Variants in TASOR2 observed in about 807,000 individuals in gnomAD.
TASOR2 encodes transcription activation suppressor family member 2, also known as protein TASOR 2.
Under a neutral mutation model 199.5 loss-of-function variants are expected in TASOR2, and 84 were observed. That is an observed-to-expected ratio of 0.42 (90% CI 0.35 to 0.50). TASOR2 has a LOEUF of 0.50. TASOR2 is among the 20% of genes least tolerant of loss of function. TASOR2 has a pLI of 0.02. For missense variants in TASOR2, 2,796 were observed against 2,835.9 expected (o/e 0.99, Z 0.32); for synonymous variants, 1,103 against 1,046.6 (o/e 1.05, Z -1.04).
chr10:5,715,624 G>T (rs1277622859), intron 2 of TASOR2, among the ~76,000 whole-genome samples: 1 of 138,800 alleles, frequency 7.2e-6, no homozygotes, highest in East Asian at 2.1e-4. Flanking sequence ...TCCAAGAATT[G>T]CATTGGTAGG....
chr10:5,729,795 A>G (rs1276788005), intron 10 of TASOR2, among the ~76,000 whole-genome samples: 1 of 152,006 alleles, frequency 6.6e-6, no homozygotes, highest in Non-Finnish European at 1.5e-5. Flanking sequence ...TTTATTACCC[A>G]GTTCATAGGG....
At chr10:5,732,676 G>A (rs1239088404) in intron 11 of TASOR2, among the ~76,000 whole-genome samples, 2 of 152,160 alleles carry the variant, frequency 1.3e-5, no homozygotes, top group Admixed American at 6.5e-5. Flanking sequence ...TCCTGCCTCA[G>A]CCTCTGGAGT....
At chr10:5,733,293 A>G (rs908802592) in intron 11 of TASOR2, among the ~76,000 whole-genome samples, 2 of 152,160 alleles carry the variant, frequency 1.3e-5, no homozygotes, top group African/African-American at 4.8e-5. Flanking sequence ...GGATCACTTG[A>G]GGCCAGGAGT....
chr10:5,747,418 G>A (rs1417871235), exon 15 of TASOR2: 5 of 1,614,080 alleles, frequency 3.1e-6, no homozygotes, highest in East Asian at 4.5e-5. Flanking sequence ...GGCTCTCACA[G>A]AAAGCAGAGA....
intron 17 of TASOR2, among the ~76,000 whole-genome samples, chr10:5,758,664 TAC>T (rs949229412): frequency 8.5e-5 from 13 of 152,272 alleles, no homozygotes; most frequent in Admixed American, 6.5e-4. Flanking sequence ...TGTTCGTGTC[TAC>T]AGAGTTATCT....
At chr10:5,733,697 G>T (rs1835162654) in intron 11 of TASOR2, among the ~76,000 whole-genome samples, 1 of 152,058 alleles carries the variant, frequency 6.6e-6, no homozygotes. Flanking sequence ...TTTTCTGTTT[G>T]TACAAATATT....
chr10:5,763,256 AATT>A, exon 21 of TASOR2: 1 of 429,726 alleles, frequency 2.3e-6, no homozygotes. Flanking sequence ...TATTGTTTTA[AATT>A]ATTTTCATTT....
At chr10:5,743,275 C>A (rs570455678) in intron 14 of TASOR2, among the ~76,000 whole-genome samples, 3 of 152,270 alleles carry the variant, frequency 2.0e-5, no homozygotes, top group Non-Finnish European at 4.4e-5. Context: ...CCCGGGGTCA[C>A]CGGGGACTTG....
At chr10:5,703,253 A>G (rs1009255039) in intron 1 of TASOR2, among the ~76,000 whole-genome samples, 2 of 152,142 alleles carry the variant, frequency 1.3e-5, no homozygotes, top group Non-Finnish European at 2.9e-5. Context: ...TCTCACCATT[A>G]TATATATAGG....
intron 10 of TASOR2, among the ~76,000 whole-genome samples, chr10:5,729,010 GA>G (rs921107328): frequency 5.9e-5 from 9 of 151,986 alleles, no homozygotes; most frequent in African/African-American, 2.2e-4. Flanking sequence ...ACATAAATAT[GA>G]TATGAACTTG....
At chr10:5,736,515 A>G (rs923807635) in intron 12 of TASOR2, among the ~76,000 whole-genome samples, 1 of 152,082 alleles carries the variant, frequency 6.6e-6, no homozygotes, top group African/African-American at 2.4e-5. Context: ...TCAGCCTCCC[A>G]AAGTGTTAGG....
rs984979054 is a variant in TASOR2, at chr10:5,751,650, A to T, written c.6606+1623A>T. The stretch of plus-strand genomic sequence containing the variant: ...GCTTATCGTGTATTTTCCTTGCCCT[A>T]GTCTTGAAGTCAAGCATTTCTCCAA... On this transcript the variant is annotated intron_variant, in intron 15 of 20. Coordinates refer to ENST00000328090, the Ensembl canonical transcript of TASOR2. This position sits in a 1 kb window ranked among gnomAD's most constrained non-coding sequence, Gnocchi z 5.3. Among the ~76,000 whole-genome samples the T allele has an allele frequency of 6.6e-6, 1 of 152,092 alleles. No individual in the cohort carries two copies. The highest frequency in any genetic ancestry group is 1.5e-5 in the Non-Finnish European group (1 of 68,016).
chr10:5,759,766 C>T (rs973175596), intron 18 of TASOR2, among the ~76,000 whole-genome samples: 8 of 152,208 alleles, frequency 5.3e-5, no homozygotes. Flanking sequence ...CTTTGAGGAA[C>T]AGAATCTCAG....
In TASOR2 at chr10:5,748,793, A is replaced by G. The variant is rs989978898; in HGVS notation, c.5372A>G (p.His1791Arg). Residue 1791 changes from histidine (H) to arginine (R), a missense_variant, in exon 15 of 21, where the codon CAC (histidine) becomes CGC (arginine). This residue lies in a region of TASOR2 where 1,941 missense variants were observed against 1,924.9 expected (regional missense o/e 1.01). Coordinates refer to ENST00000328090, the Ensembl canonical transcript of TASOR2. The surrounding 1 kb of genome is among the most constrained non-coding windows in gnomAD (Gnocchi z 5.1). ...TCTGTTTGTGGAATAGCCACAGAGC[A>G]CGTAGAAATTGAGAACAGTGGGGAG... 14 of 1,614,176 alleles carry G rather than the reference A, an allele frequency of 8.7e-6. No homozygotes were observed. The highest frequency in any genetic ancestry group is 1.2e-5 in the Non-Finnish European group (14 of 1,180,032).
exon 15 of TASOR2, chr10:5,747,870 A>G: frequency 6.2e-7 from 1 of 1,613,788 alleles, no homozygotes; most frequent in Non-Finnish European, 8.5e-7. Flanking sequence ...CTCTAATATT[A>G]ACTGATCATC....
Position 5,748,818 on chromosome 10 carries a change from G to A in TASOR2, c.5397G>A (p.Glu1799=). 1.9e-6 allele frequency: 3 copies of A among 1,614,182 alleles called. No homozygotes were observed. The highest frequency in any genetic ancestry group is 2.5e-6 in the Non-Finnish European group (3 of 1,180,038). The change falls in exon 15 of 21, where the codon GAG becomes GAA. Residue 1799 remains glutamate, a synonymous_variant. Coordinates refer to ENST00000328090, the Ensembl canonical transcript of TASOR2. The surrounding 1 kb of genome is among the most constrained non-coding windows in gnomAD (Gnocchi z 5.1). The stretch of plus-strand genomic sequence containing the variant: ...ACGTAGAAATTGAGAACAGTGGGGA[G>A]GGGCTCAGGGCTGAGGCTGGTTCTG...
chr10:5,739,283 G>A (rs1836045077), intron 12 of TASOR2, among the ~76,000 whole-genome samples: 1 of 152,076 alleles, frequency 6.6e-6, no homozygotes. Context: ...TGAGCTGTAT[G>A]TCTTCTGTGT....
exon 15 of TASOR2, chr10:5,749,717 G>GAAA (rs746025245): frequency 1.9e-6 from 3 of 1,614,174 alleles, no homozygotes; most frequent in Non-Finnish European, 2.5e-6. Context: ...AAATACAACA[G>GAAA]TACTGTGAAG....
intron 2 of TASOR2, among the ~76,000 whole-genome samples, chr10:5,717,205 T>G (rs1279158309): frequency 1.3e-5 from 2 of 152,080 alleles, no homozygotes; most frequent in African/African-American, 4.8e-5. Flanking sequence ...ACACTACTAC[T>G]TGTATGTCTT....
Sources: gnomAD v4.1 joint callset for allele counts (sites outside exome capture counted in the v4.1 genomes callset) on GRCh38, gnomAD v4.1.1 for gene constraint, gnomAD v4.1.1 regional missense constraint, Gnocchi (gnomAD v3.1) non-coding constraint, MANE v1.5 for transcripts, NCBI Gene and HGNC (gene_info 2026-07-23, HGNC 2026-07-21) for gene names.